Variants in PHF24 observed in about 807,000 individuals in gnomAD.
The protein encoded by PHF24 is Galpha inhibitory interacting protein.
A neutral mutation model predicts 42.6 loss-of-function variants in PHF24; 25 were observed. The observed-to-expected ratio is 0.59, with a 90% CI of 0.43 to 0.82. The LOEUF is 0.82. PHF24 is among the 40% of genes least tolerant of loss of function. The pLI, the probability that PHF24 is intolerant of heterozygous loss-of-function variation, is 0.00. For missense variants in PHF24, 470 were observed against 538.1 expected, an observed-to-expected ratio of 0.87 and a Z score of 1.25; for synonymous variants, 185 against 204.8, an observed-to-expected ratio of 0.90 and a Z score of 0.83.
At chr9:34,791,539 G>GTATTGAAAA in the PHF24 span, among the ~76,000 whole-genome samples, 1 of 151,478 alleles carries the variant, frequency 6.6e-6, no homozygotes, top group Non-Finnish European at 1.5e-5. Flanking sequence ...AGTATTGAAA[G>GTATTGAAAA]TCATGGGAAT....
the PHF24 span, among the ~76,000 whole-genome samples, chr9:34,783,414 A>T: frequency 6.6e-6 from 1 of 152,204 alleles, no homozygotes; most frequent in Non-Finnish European, 1.5e-5. Flanking sequence ...TTGTCTTCAC[A>T]TCCCAAGACT....
At chr9:34,675,198 G>C in the PHF24 span, among the ~76,000 whole-genome samples, 2 of 152,110 alleles carry the variant, frequency 1.3e-5, no homozygotes, top group Non-Finnish European at 2.9e-5. Flanking sequence ...TCTCTTTGTG[G>C]TTCTCAATCC....
the PHF24 span, among the ~76,000 whole-genome samples, chr9:34,764,731 C>G: frequency 3.3e-5 from 5 of 151,964 alleles, no homozygotes; most frequent in Non-Finnish European, 7.4e-5. Context: ...TATTTCTTGC[C>G]TTCTGCTAGC....
At chr9:34,857,923 T>A in the PHF24 span, among the ~76,000 whole-genome samples, 1 of 152,006 alleles carries the variant, frequency 6.6e-6, no homozygotes, top group African/African-American at 2.4e-5. Context: ...TCTGTTAAAT[T>A]TCTAACTTTG....
chr9:34,704,746 G>A, the PHF24 span, among the ~76,000 whole-genome samples: 1 of 152,154 alleles, frequency 6.6e-6, no homozygotes, highest in Non-Finnish European at 1.5e-5. Context: ...TGAGGTGGGA[G>A]GATTGCTTGA....
At chr9:34,702,941 A>C in the PHF24 span, among the ~76,000 whole-genome samples, 1 of 152,228 alleles carries the variant, frequency 6.6e-6, no homozygotes, top group African/African-American at 2.4e-5. Context: ...AAACAGCATT[A>C]TTTTGTCCCC....
At chr9:34,820,037 A>G in the PHF24 span, among the ~76,000 whole-genome samples, 2 of 151,966 alleles carry the variant, frequency 1.3e-5, no homozygotes, top group African/African-American at 2.4e-5. Context: ...CCATTCTGAA[A>G]TGATCGTTAA....
At chr9:34,754,293 A>C in the PHF24 span, among the ~76,000 whole-genome samples, 1 of 152,168 alleles carries the variant, frequency 6.6e-6, no homozygotes, top group South Asian at 2.1e-4. Flanking sequence ...TCATCTGACA[A>C]GAGCTCTGGA....
At chr9:34,973,666 T>A (rs1350272281) in intron 3 of PHF24, among the ~76,000 whole-genome samples, 3 of 152,234 alleles carry the variant, frequency 2.0e-5, no homozygotes, top group Non-Finnish European at 4.4e-5. Context: ...ACTCTTCCTC[T>A]ATGGCTTGTT....
At chr9:34,892,668 C>A in the PHF24 span, 2 of 462,778 alleles carry the variant, frequency 4.3e-6, no homozygotes, top group Non-Finnish European at 7.6e-6. Context: ...CCTTGGTTCT[C>A]CAGGACAAAT....
chr9:34,780,286 T>TTTTC, the PHF24 span, among the ~76,000 whole-genome samples: 2 of 126,440 alleles, frequency 1.6e-5, no homozygotes, highest in African/African-American at 5.6e-5. Context: ...TCTTTCTTTT[T>TTTTC]TTTCTTTTTT....
At chr9:34,836,995 G>T in the PHF24 span, 1 of 458,818 alleles carries the variant, frequency 2.2e-6, no homozygotes, top group Non-Finnish European at 4.5e-6. Context: ...CCTCAGTCCT[G>T]CCCCAGGCTA....
At chr9:34,824,114 C>G in the PHF24 span, among the ~76,000 whole-genome samples, 1 of 152,180 alleles carries the variant, frequency 6.6e-6, no homozygotes, top group Non-Finnish European at 1.5e-5. Flanking sequence ...ATGCTCCCAG[C>G]TTGGCAGGTA....
chr9:34,807,207 G>T, the PHF24 span, among the ~76,000 whole-genome samples: 1 of 152,150 alleles, frequency 6.6e-6, no homozygotes, highest in African/African-American at 2.4e-5. Flanking sequence ...TCAGATTAAG[G>T]AAATTTCATT....
the PHF24 span, among the ~76,000 whole-genome samples, chr9:34,817,382 C>T: frequency 9.2e-5 from 14 of 152,044 alleles, no homozygotes; most frequent in African/African-American, 3.4e-4. Flanking sequence ...GTAGCTGGGA[C>T]TACAGGTGCA....
the PHF24 span, among the ~76,000 whole-genome samples, chr9:34,848,901 T>C: frequency 6.6e-6 from 1 of 152,296 alleles, no homozygotes; most frequent in South Asian, 2.1e-4. Context: ...TTCCATGTAG[T>C]TGAGCGGTTT....
intron 2 of PHF24, among the ~76,000 whole-genome samples, chr9:34,971,893 G>C (rs1268047335): frequency 3.3e-5 from 5 of 152,158 alleles, no homozygotes; most frequent in African/African-American, 1.2e-4. Flanking sequence ...TGATGCTGTG[G>C]CAGGTCTTCT....
At chr9:34,861,046 TGAA>T in the PHF24 span, among the ~76,000 whole-genome samples, 172 of 152,182 alleles carry the variant, frequency 1.1e-3, no homozygotes, top group Non-Finnish European at 2.0e-3. Context: ...TTCTGGCTGT[TGAA>T]GTAGGTGGAG....
chr9:34,840,115 T>G, the PHF24 span, among the ~76,000 whole-genome samples: 2 of 152,064 alleles, frequency 1.3e-5, no homozygotes, highest in African/African-American at 2.4e-5. Flanking sequence ...GGTGAGGCCC[T>G]CCTTGATGGA....
Sources: allele counts gnomAD v4.1 joint callset (sites outside exome capture counted in the v4.1 genomes callset), GRCh38; gene constraint gnomAD v4.1.1; transcripts MANE v1.5; gene names NCBI Gene and HGNC (gene_info 2026-07-23, HGNC 2026-07-21).